Variants in AS3MT observed in about 807,000 individuals in gnomAD.
AS3MT encodes the protein S-adenosyl-L-methionine:arsenic(III) methyltransferase.
Under a neutral mutation model 45.3 loss-of-function variants are expected in AS3MT, and 47 were observed. That is an observed-to-expected ratio of 1.04 (90% CI 0.82 to 1.32). The LOEUF is 1.32. Among genes scored for constraint, AS3MT ranks in the 40% most tolerant of loss-of-function variants. The probability of loss-of-function intolerance (pLI) is 0.00; values close to 1 mark genes in which losing one functional copy is unlikely to be tolerated. For missense variants in AS3MT, 396 were observed against 451.1 expected, an observed-to-expected ratio of 0.88 and a Z score of 1.11; for synonymous variants, 141 against 152.8, an observed-to-expected ratio of 0.92 and a Z score of 0.57.
In AS3MT at chr10:102,869,574, A is replaced by G. The variant is rs868057573; in HGVS notation, c.-19A>G. On this transcript the variant is annotated 5_prime_UTR_variant, in exon 1 of 11. Transcript: ENST00000369880. ...GAGGAGACAGTGAGTGCGCGCCCTG[A>G]GTCGCAGGCCGAGGAGACAGTGAGT... is the stretch of plus-strand genomic sequence containing the variant. The G allele has an allele frequency of 7.7e-7, 1 of 1,297,602 alleles. No individual in the cohort carries two copies. Among genetic ancestry groups the G allele is most frequent in the African/African-American group, 2.1e-5 (1 of 47,620 alleles). 80.4% of individuals were successfully genotyped at this position (1,297,602 alleles called of 1,614,324 possible).
chr10:102,898,490 G>T (rs1202427340), intron 10 of AS3MT, among the ~76,000 whole-genome samples: 1 of 152,030 alleles, frequency 6.6e-6, no homozygotes, highest in East Asian at 1.9e-4. Context: ...CAGCTTTTTG[G>T]AAGACTGAGG....
intron 9 of AS3MT, among the ~76,000 whole-genome samples, chr10:102,884,586 G>A (rs745628830): frequency 5.9e-5 from 9 of 151,856 alleles, no homozygotes; most frequent in Non-Finnish European, 1.3e-4. Flanking sequence ...CACTCTTGTC[G>A]CCCAGGCTGG....
chr10:102,883,737 A>C (rs28786429), intron 9 of AS3MT, among the ~76,000 whole-genome samples: 5 of 149,246 alleles, frequency 3.4e-5, no homozygotes, highest in African/African-American at 1.2e-4. Context: ...CAAAGAAAAA[A>C]CCCCCAATAG....
intron 10 of AS3MT, among the ~76,000 whole-genome samples, chr10:102,896,660 T>A (rs1398698900): frequency 6.6e-6 from 1 of 151,866 alleles, no homozygotes; most frequent in Non-Finnish European, 1.5e-5. Context: ...ACAAAAAAAA[T>A]TAGCCGGGCG....
At chr10:102,870,750 C>A (rs1393061417) in intron 3 of AS3MT, among the ~76,000 whole-genome samples, 1 of 152,166 alleles carries the variant, frequency 6.6e-6, no homozygotes, top group East Asian at 1.9e-4. Flanking sequence ...CCGGCAGTCA[C>A]CAATTTGGAA....
At chr10:102,889,011 G>T (rs1008396762) in intron 9 of AS3MT, among the ~76,000 whole-genome samples, 15 of 149,714 alleles carry the variant, frequency 1.0e-4, no homozygotes, top group Admixed American at 1.0e-3. Flanking sequence ...CTGCCTCAGC[G>T]CCCCGAGTAG....
chr10:102,874,392 A>G (rs983064675), intron 5 of AS3MT, among the ~76,000 whole-genome samples, 200 bp from the exon 6 acceptor site: 3 of 152,256 alleles, frequency 2.0e-5, no homozygotes, highest in Admixed American at 1.3e-4. Context: ...CAAACTTGCT[A>G]ACAATTTATT....
intron 9 of AS3MT, among the ~76,000 whole-genome samples, chr10:102,889,883 G>T (rs1042053369): frequency 6.6e-6 from 1 of 151,754 alleles, no homozygotes; most frequent in Non-Finnish European, 1.5e-5. Context: ...TTACCATATT[G>T]GCCAGGCTGG....
chr10:102,874,209 C>A (rs536166774), intron 5 of AS3MT, among the ~76,000 whole-genome samples: 4 of 151,036 alleles, frequency 2.6e-5, no homozygotes, highest in Non-Finnish European at 4.4e-5. Flanking sequence ...GCCGAGATTG[C>A]GCCATTGTAC....
chr10:102,871,604 C>T (rs1159465169), intron 3 of AS3MT, among the ~76,000 whole-genome samples: 29 of 121,570 alleles, frequency 2.4e-4, no homozygotes, highest in South Asian at 8.2e-4. Flanking sequence ...GGCAGGCGCT[C>T]GTAGTCCTAG....
chr10:102,871,546 C>CA (rs748797211), intron 3 of AS3MT, among the ~76,000 whole-genome samples: 1,779 of 23,240 alleles, frequency 0.077, 335 homozygotes, highest in Admixed American at 0.091. Context: ...GACTCCGTCT[C>CA]AAAAAAAAAA....
intron 9 of AS3MT, among the ~76,000 whole-genome samples, chr10:102,886,530 T>C (rs1360922814): frequency 6.6e-6 from 1 of 152,044 alleles, no homozygotes; most frequent in Non-Finnish European, 1.5e-5. Flanking sequence ...TTTCACCATA[T>C]TGGCCAGGCT....
At chr10:102,870,279 G>A in intron 3 of AS3MT, 68 bp downstream of exon 3, 9 of 1,583,970 alleles carry the variant, frequency 5.7e-6, no homozygotes, top group East Asian at 2.2e-5. Flanking sequence ...AATGATGCAG[G>A]TCACTAGGGA....
intron 9 of AS3MT, among the ~76,000 whole-genome samples, chr10:102,882,175 G>A (rs561246882): frequency 1.3e-5 from 2 of 151,822 alleles, no homozygotes; most frequent in East Asian, 1.9e-4. Context: ...TCCTGGCCTC[G>A]TGATCCACCC....
chr10:102,882,400 T>G (rs546573991), intron 9 of AS3MT, among the ~76,000 whole-genome samples: 1 of 151,612 alleles, frequency 6.6e-6, no homozygotes, highest in Non-Finnish European at 1.5e-5. Flanking sequence ...TTTTTTAATT[T>G]AAAAAATGTA....
chr10:102,893,264 T>C (rs909185153), intron 10 of AS3MT, among the ~76,000 whole-genome samples: 1 of 151,892 alleles, frequency 6.6e-6, no homozygotes, highest in African/African-American at 2.4e-5. Flanking sequence ...TTAAGAAATT[T>C]TAAGGGTTTA....
chr10:102,892,942 C>T (rs560431674), intron 10 of AS3MT, among the ~76,000 whole-genome samples: 45 of 151,078 alleles, frequency 3.0e-4, no homozygotes, highest in African/African-American at 9.9e-4. Flanking sequence ...ATTGAGATGG[C>T]GCCACTGCAC....
chr10:102,872,309 A>G (rs772859850), intron 3 of AS3MT, 139 bp from the exon 4 acceptor site: 3 of 874,118 alleles, frequency 3.4e-6, no homozygotes, highest in Admixed American at 2.6e-5. Flanking sequence ...TAAACATCAG[A>G]AGTATGAGTG....
intron 10 of AS3MT, among the ~76,000 whole-genome samples, chr10:102,891,349 CT>C (rs1447491534): frequency 6.6e-6 from 1 of 152,222 alleles, no homozygotes; most frequent in African/African-American, 2.4e-5. Flanking sequence ...GCTATTATAC[CT>C]GCTTTAACAA....
Sources: allele counts gnomAD v4.1 joint callset (sites outside exome capture counted in the v4.1 genomes callset), GRCh38; gene constraint gnomAD v4.1.1; transcripts MANE v1.5; gene names NCBI Gene and HGNC (gene_info 2026-07-23, HGNC 2026-07-21).